Variants in NAPA observed in about 807,000 individuals in gnomAD.
NAPA encodes the protein NSF attachment protein alpha.
In NAPA, 18 loss-of-function variants were observed where a neutral mutation model predicts 48.0. That is an observed-to-expected ratio of 0.38 (90% CI 0.26 to 0.56). The LOEUF (loss-of-function observed/expected upper bound fraction) is 0.56. Ranked by LOEUF, NAPA falls within the 20% of genes least tolerant of loss-of-function variation. The pLI, the probability that NAPA is intolerant of heterozygous loss-of-function variation, is 0.77. For synonymous variants in NAPA, 152 were observed against 149.9 expected, an observed-to-expected ratio of 1.01 and a Z score of -0.10; for missense variants, 315 against 385.0, an observed-to-expected ratio of 0.82 and a Z score of 1.52.
chr19:47,490,029 G>GGT (rs1387214409), intron 9 of NAPA, among the ~76,000 whole-genome samples: 10 of 151,690 alleles, frequency 6.6e-5, no homozygotes, highest in Non-Finnish European at 1.5e-4. Flanking sequence ...GGGTATGGGG[G>GGT]GTGTGTGTGT....
chr19:47,511,957 C>T (rs1205512188), intron 1 of NAPA, among the ~76,000 whole-genome samples: 1 of 152,166 alleles, frequency 6.6e-6, no homozygotes, highest in Non-Finnish European at 1.5e-5. Context: ...CCTTAGCCTC[C>T]TCGGAGATCT....
chr19:47,491,078 G>A, intron 8 of NAPA: 2 of 479,868 alleles, frequency 4.2e-6, no homozygotes, highest in South Asian at 5.0e-5. Context: ...AGAGGTGGGT[G>A]GAGGGGGAAG....
chr19:47,500,733 G>A lies in NAPA; in HGVS notation c.195C>T (p.Phe65=), dbSNP rs894445225. 1.9e-6 allele frequency: 3 copies of A among 1,606,404 alleles called. No homozygotes were observed. Among genetic ancestry groups the A allele is most frequent in the South Asian group, 2.2e-5 (2 of 89,956 alleles). The change falls in exon 3 of 11, where the codon TTC becomes TTT. Residue 65 remains phenylalanine, a synonymous_variant. Transcript: ENST00000263354. ...GCAGGTGCAGCTGTGCAGCCTGGCAGAACGCGTTTCCAGCAGCTGGAACAG... is the reference window on the plus strand; with the variant it reads ...GCAGGTGCAGCTGTGCAGCCTGGCAAAACGCGTTTCCAGCAGCTGGAACAG... ...AKNWSAAGNA[F]CQAAQLHLQL... is the part of the protein sequence containing the mutation.
intron 9 of NAPA, among the ~76,000 whole-genome samples, chr19:47,490,062 T>G (rs1026144025): frequency 7.0e-6 from 1 of 142,950 alleles, no homozygotes; most frequent in African/African-American, 2.6e-5. Flanking sequence ...GTGGTGGAGG[T>G]GTGTGTGTGT....
chr19:47,489,592 C>T, intron 10 of NAPA, 119 bp downstream of exon 10: 2 of 1,156,144 alleles, frequency 1.7e-6, no homozygotes, highest in Non-Finnish European at 2.5e-6. Flanking sequence ...AAGAACTTCA[C>T]AGTGGGCTGG....
chr19:47,500,264 C>T (rs183897260), intron 3 of NAPA, among the ~76,000 whole-genome samples: 95 of 152,336 alleles, frequency 6.2e-4, no homozygotes, highest in African/African-American at 2.2e-3. Flanking sequence ...CCCCGCCCCC[C>T]ACACCGCTCC....
At position 47,493,523 on chromosome 19, in the gene NAPA, C is replaced by T. The variant is rs747620724; in HGVS notation, c.343-30G>A. ...AGGGGACACAGGAAGGGGCTGCCTGCGACTCATGACCTCCTGCGTGCCTGC... is the reference window on the plus strand; with the variant it reads ...AGGGGACACAGGAAGGGGCTGCCTGTGACTCATGACCTCCTGCGTGCCTGC... On this transcript the variant is annotated intron_variant, in intron 4 of 10. Transcript: ENST00000263354. This position sits in a 1 kb window ranked among gnomAD's most constrained non-coding sequence, Gnocchi z 6.4. 52 of 1,600,598 alleles carry T rather than the reference C, an allele frequency of 3.2e-5. No homozygotes were observed. Among genetic ancestry groups the T allele is most frequent in the Admixed American group, 1.8e-4 (11 of 59,968 alleles).
At chr19:47,510,476 C>T (rs543127730) in intron 1 of NAPA, among the ~76,000 whole-genome samples, 64 of 152,300 alleles carry the variant, frequency 4.2e-4, no homozygotes, top group Admixed American at 3.4e-3. Context: ...AGCCAGGCAA[C>T]GTGCTCCCAC....
rs998137886 is a variant in NAPA, at chr19:47,492,869, G to A, written c.561+92C>T. 2.7e-5 allele frequency: 32 copies of A among 1,197,512 alleles called. No individual in the cohort carries two copies. In the African/African-American group the frequency reaches 3.6e-4, roughly 13 times the overall value. 74.2% of individuals were successfully genotyped at this position (1,197,512 alleles called of 1,614,324 possible). A position where few individuals can be genotyped will look rare whatever the true frequency, so the allele number is the denominator to read the frequency against. ...AGAGGCAGAGGGTGAGCCGGGGGAG[G>A]GGTGGTTCCAGAACAAGGTGCCGGG... is the stretch of plus-strand genomic sequence containing the variant. On this transcript the variant is annotated intron_variant, in intron 7 of 10. Coordinates refer to ENST00000263354, the MANE Select transcript of NAPA (RefSeq NM_003827.4).
At chr19:47,503,920 C>T (rs568770671) in intron 1 of NAPA, among the ~76,000 whole-genome samples, 3 of 152,326 alleles carry the variant, frequency 2.0e-5, no homozygotes, top group African/African-American at 7.2e-5. Flanking sequence ...GTTGCTTTCG[C>T]AGAGGCAGCC....
intron 8 of NAPA, 76 bp from the exon 9 acceptor site, chr19:47,490,932 A>G: frequency 1.5e-6 from 2 of 1,331,264 alleles, no homozygotes; most frequent in South Asian, 1.2e-5. Flanking sequence ...AGCTGAGGGG[A>G]CTTGGGGATG....
downstream of NAPA, among the ~76,000 whole-genome samples, chr19:47,486,345 ACT>A (rs777618831): frequency 1.6e-4 from 24 of 151,520 alleles, no homozygotes; most frequent in Admixed American, 7.2e-4. Context: ...ATAGAGCGAG[ACT>A]CTGTCTCAAA....
intron 1 of NAPA, chr19:47,505,429 G>A (rs1292567128): frequency 3.9e-5 from 6 of 152,222 alleles, no homozygotes; most frequent in Admixed American, 3.9e-4. Flanking sequence ...CTGCACTGCG[G>A]ATTCAGTGTG....
At chr19:47,499,136 C>T (rs1968508393) in intron 3 of NAPA, among the ~76,000 whole-genome samples, 1 of 152,232 alleles carries the variant, frequency 6.6e-6, no homozygotes, top group African/African-American at 2.4e-5. Context: ...TGCAGAGTCT[C>T]GCTGGAGAGC....
chr19:47,511,300 G>A (rs558695303), intron 1 of NAPA, among the ~76,000 whole-genome samples: 6 of 152,278 alleles, frequency 3.9e-5, no homozygotes, highest in East Asian at 1.9e-4. Flanking sequence ...CGCCAAGCAG[G>A]TCCTCCCAAG....
chr19:47,492,427 G>A (rs986340647), intron 7 of NAPA: 2 of 439,724 alleles, frequency 4.5e-6, no homozygotes, highest in Non-Finnish European at 8.4e-6. Flanking sequence ...ACCAACGGGA[G>A]GCTGGCATGG....
chr19:47,505,157 T>C (rs917254681), intron 1 of NAPA, among the ~76,000 whole-genome samples: 11 of 152,162 alleles, frequency 7.2e-5, no homozygotes, highest in African/African-American at 2.4e-4. Flanking sequence ...ACATAATCAG[T>C]AGAATAAAAT....
chr19:47,501,036 T>A (rs898791870), intron 2 of NAPA, among the ~76,000 whole-genome samples: 2 of 152,114 alleles, frequency 1.3e-5, no homozygotes, highest in Non-Finnish European at 2.9e-5. Flanking sequence ...GCCCCAGGTA[T>A]ATGGAAAGAG....
rs751689049 is a variant in NAPA at position 47,493,191 on chromosome 19, GA to G, written c.421-18del. The G allele has an allele frequency of 6.3e-7, 1 of 1,577,188 alleles. No homozygotes were observed. The highest frequency in any genetic ancestry group is 1.2e-5 in the South Asian group (1 of 84,632). Reference sequence around the variant, plus strand: ...GGCAATGGCCTGGGGAGACACGGGGGATGGGTTCCAGGGGAGGGCAGGGAAG... The same window carrying G: ...GGCAATGGCCTGGGGAGACACGGGGGTGGGTTCCAGGGGAGGGCAGGGAAG... On this transcript the variant is annotated intron_variant, in intron 5 of 10. Transcript: ENST00000263354. This position sits in a 1 kb window ranked among gnomAD's most constrained non-coding sequence, Gnocchi z 6.4.
Sources: gnomAD v4.1 joint callset for allele counts (sites outside exome capture counted in the v4.1 genomes callset) on GRCh38, gnomAD v4.1.1 for gene constraint, Gnocchi (gnomAD v3.1) non-coding constraint, MANE v1.5 for transcripts, NCBI Gene and HGNC (gene_info 2026-07-23, HGNC 2026-07-21) for gene names.